Variants in ME3 observed in about 807,000 individuals in gnomAD.
ME3 encodes the protein malic enzyme 3, also known as NADP-dependent malic enzyme, mitochondrial.
ME3 carries 48 observed loss-of-function variants against 68.9 expected under a neutral mutation model. That is an observed-to-expected ratio of 0.70 (90% CI 0.55 to 0.89). The LOEUF (loss-of-function observed/expected upper bound fraction) is 0.89, where lower values mean the gene tolerates loss of function less well. Ranked by LOEUF, ME3 falls within the 40% of genes least tolerant of loss-of-function variation. The pLI, the probability that ME3 is intolerant of heterozygous loss-of-function variation, is 0.00. For missense variants in ME3, 675 were observed against 797.4 expected (o/e 0.85, Z 1.85); for synonymous variants, 320 against 318.8 (o/e 1.00, Z -0.04).
intron 2 of ME3, among the ~76,000 whole-genome samples, chr11:86,604,022 C>T (rs1044541636): frequency 6.7e-6 from 1 of 150,368 alleles, no homozygotes; most frequent in Non-Finnish European, 1.5e-5. Flanking sequence ...GTGCAGCACA[C>T]CAACGTGGCA....
At chr11:86,436,148 A>T (rs906522482), downstream of ME3, 1 of 152,170 alleles carries the variant, frequency 6.6e-6, no homozygotes, top group Admixed American at 6.5e-5. Flanking sequence ...CCCTTAATCT[A>T]ATAGTGCTTA....
chr11:86,543,902 G>T (rs1229464072), intron 4 of ME3, among the ~76,000 whole-genome samples: 4 of 151,430 alleles, frequency 2.6e-5, no homozygotes, highest in Non-Finnish European at 5.9e-5. Flanking sequence ...CACATAATTG[G>T]AAGTAAAACA....
At chr11:86,571,765 T>G (rs571542277) in intron 2 of ME3, among the ~76,000 whole-genome samples, 1 of 152,208 alleles carries the variant, frequency 6.6e-6, no homozygotes, top group Non-Finnish European at 1.5e-5. Context: ...AGTGATGGTT[T>G]GTTTTGTGGA....
At chr11:86,558,555 C>T (rs796872473) in intron 3 of ME3, among the ~76,000 whole-genome samples, 10 of 152,258 alleles carry the variant, frequency 6.6e-5, no homozygotes, top group African/African-American at 2.2e-4. Flanking sequence ...CAGGGTGACC[C>T]TGGCATGCTG....
At chr11:86,612,916 A>G (rs942404044) in intron 2 of ME3, among the ~76,000 whole-genome samples, 1 of 152,152 alleles carries the variant, frequency 6.6e-6, no homozygotes, top group African/African-American at 2.4e-5. Flanking sequence ...TAGTTTAATT[A>G]GATCCCATTT....
chr11:86,451,432 T>A (rs1200187541), intron 8 of ME3, among the ~76,000 whole-genome samples: 1 of 152,220 alleles, frequency 6.6e-6, no homozygotes, highest in Non-Finnish European at 1.5e-5. Flanking sequence ...TTAGACAGCA[T>A]CTTTCTTTAG....
intron 4 of ME3, among the ~76,000 whole-genome samples, chr11:86,511,026 T>C (rs1484043414): frequency 6.6e-6 from 1 of 152,228 alleles, no homozygotes; most frequent in Non-Finnish European, 1.5e-5. Context: ...CTCCCTTCTT[T>C]TATACAACCC....
At chr11:86,617,894 A>G (rs576146039) in intron 2 of ME3, among the ~76,000 whole-genome samples, 232 of 152,336 alleles carry the variant, frequency 1.5e-3, no homozygotes, top group African/African-American at 5.2e-3. Context: ...AATAATCCAA[A>G]AATCTAAAAA....
At chr11:86,635,951 C>A (rs907457588) in intron 2 of ME3, among the ~76,000 whole-genome samples, 8 of 152,206 alleles carry the variant, frequency 5.3e-5, no homozygotes, top group East Asian at 1.9e-4. Context: ...TTGATAATTT[C>A]TTTCCCTAGT....
At chr11:86,486,719 T>C (rs1951712531) in intron 7 of ME3, among the ~76,000 whole-genome samples, 1 of 152,230 alleles carries the variant, frequency 6.6e-6, no homozygotes, top group South Asian at 2.1e-4. Context: ...AGGGCTGTCA[T>C]CAGGCCTCCA....
exon 15 of ME3, chr11:86,441,430 T>C: frequency 6.3e-7 from 1 of 1,595,292 alleles, no homozygotes; most frequent in Non-Finnish European, 8.5e-7. Context: ...TTTGTACGCG[T>C]AGTCGAGAAC....
At chr11:86,641,717 T>C (rs1944684688) in intron 2 of ME3, among the ~76,000 whole-genome samples, 1 of 152,174 alleles carries the variant, frequency 6.6e-6, no homozygotes, top group Non-Finnish European at 1.5e-5. Context: ...TTCTGGAAAA[T>C]TGTTTTCATC....
At chr11:86,602,248 C>T (rs1229766107) in intron 2 of ME3, among the ~76,000 whole-genome samples, 10 of 149,048 alleles carry the variant, frequency 6.7e-5, no homozygotes, top group South Asian at 4.3e-4. Context: ...TAGGCAACTT[C>T]TGCAAAGTCT....
chr11:86,505,703 G>A (rs1023691064), intron 5 of ME3, among the ~76,000 whole-genome samples: 1 of 152,188 alleles, frequency 6.6e-6, no homozygotes. Flanking sequence ...CTCACAATAG[G>A]AAAGCAAAGC....
chr11:86,534,056 G>A (rs1425041560), intron 4 of ME3, among the ~76,000 whole-genome samples: 1 of 142,450 alleles, frequency 7.0e-6, no homozygotes, highest in Non-Finnish European at 1.5e-5. Flanking sequence ...AAAAAGTATG[G>A]TAAAAATGAG....
intron 2 of ME3, among the ~76,000 whole-genome samples, chr11:86,581,175 C>T (rs1414359325): frequency 1.3e-5 from 2 of 152,152 alleles, no homozygotes; most frequent in Non-Finnish European, 2.9e-5. Flanking sequence ...GGTTGCCTCA[C>T]ATTTAATAAA....
chr11:86,464,725 C>G (rs1482782773), intron 8 of ME3, among the ~76,000 whole-genome samples: 1 of 152,174 alleles, frequency 6.6e-6, no homozygotes, highest in African/African-American at 2.4e-5. Flanking sequence ...CATGCTCTTT[C>G]AAGGCAGTTG....
intron 6 of ME3, among the ~76,000 whole-genome samples, chr11:86,489,380 A>G (rs770053553): frequency 2.6e-5 from 4 of 152,186 alleles, no homozygotes; most frequent in Admixed American, 6.5e-5. Context: ...AAAAATATAT[A>G]TGAAAGAGCT....
intron 2 of ME3, among the ~76,000 whole-genome samples, chr11:86,629,495 G>A (rs575920932): frequency 1.9e-4 from 29 of 152,200 alleles, no homozygotes; most frequent in African/African-American, 5.8e-4. Flanking sequence ...CTCCCACCAG[G>A]AACTAGTATA....
Sources: gnomAD v4.1 joint callset for allele counts (sites outside exome capture counted in the v4.1 genomes callset) on GRCh38, gnomAD v4.1.1 for gene constraint, MANE v1.5 for transcripts, NCBI Gene and HGNC (gene_info 2026-07-23, HGNC 2026-07-21) for gene names.